The following DRAXIN variants were observed in gnomAD, a reference collection of about 807,000 sequenced individuals.
The protein encoded by DRAXIN is dorsal inhibitory axon guidance protein.
In DRAXIN, 27 loss-of-function variants were observed where a neutral mutation model predicts 33.9. That is an observed-to-expected ratio of 0.80 (90% CI 0.59 to 1.10). The LOEUF is 1.10. Ranked by LOEUF, DRAXIN falls within the 50% of genes least tolerant of loss-of-function variation. The pLI, the probability that DRAXIN is intolerant of heterozygous loss-of-function variation, is 0.00. For missense variants in DRAXIN, 371 were observed against 460.8 expected (o/e 0.81, Z 1.78); for synonymous variants, 178 against 194.0 (o/e 0.92, Z 0.69).
In DRAXIN at chr1:11,724,952, A is replaced by G. The variant is rs1419869896; in HGVS notation, c.*5256A>G. ...GCAGTTTGCAGAACCAGGGGTTTAT[A>G]TTGCAGGGAGTGTATTTTCTGAATT... On this transcript the variant is annotated 3_prime_UTR_variant, in exon 7 of 7. Transcript: ENST00000294485. 1.3e-5 allele frequency: 2 copies of G among 152,188 alleles called. No individual in the cohort carries two copies. Among genetic ancestry groups the G allele is most frequent in the Non-Finnish European group, 2.9e-5 (2 of 68,056 alleles). The allele number at this position is 152,188 out of a possible 1,614,324, so 9.4% of individuals were successfully genotyped here. A position where few individuals can be genotyped will look rare whatever the true frequency, so the allele number is the denominator to read the frequency against.
chr1:11,712,535 T>G, intron 5 of DRAXIN, 106 bp downstream of exon 5: 1 of 1,079,518 alleles, frequency 9.3e-7, no homozygotes, highest in Non-Finnish European at 1.4e-6. Context: ...CCTTGACCCT[T>G]CATGGATGAT....
chr1:11,711,194 A>AC (rs1000642176), intron 3 of DRAXIN, among the ~76,000 whole-genome samples: 12 of 152,280 alleles, frequency 7.9e-5, no homozygotes, highest in Non-Finnish European at 1.6e-4. Flanking sequence ...GGGGTCTTGC[A>AC]CCCCCTTGAG....
chr1:11,687,312 T>C (rs115011259), upstream of DRAXIN, among the ~76,000 whole-genome samples: 2,000 of 152,308 alleles, frequency 0.013, 44 homozygotes, highest in African/African-American at 0.044. The surrounding 1 kb of genome is among the most constrained non-coding windows in gnomAD (Gnocchi z 4.1). Flanking sequence ...CAATCTCGGC[T>C]CAATGAAATC....
intron 6 of DRAXIN, 85 bp from the exon 7 acceptor site, chr1:11,719,499 C>A: frequency 1.7e-6 from 2 of 1,202,506 alleles, no homozygotes; most frequent in Non-Finnish European, 2.4e-6. Flanking sequence ...CAGGAGGGAG[C>A]TGGCTGGCCC....
At chr1:11,708,043 C>T (rs999809440) in intron 2 of DRAXIN, among the ~76,000 whole-genome samples, 6 of 152,248 alleles carry the variant, frequency 3.9e-5, no homozygotes, top group African/African-American at 1.4e-4. Flanking sequence ...GCCTGAGAAC[C>T]CCCCAAGAGG....
In DRAXIN at chr1:11,721,761, G is replaced by C. The variant is rs1370894418; in HGVS notation, c.*2065G>C. On this transcript the variant is annotated 3_prime_UTR_variant, in exon 7 of 7. Transcript: ENST00000294485. Reference sequence around the variant, plus strand: ...GCACTTTGGGAGGCTGAGGTGGGCGGACCACCTCAGGTCAGGAGTTTGAGA... The same window carrying C: ...GCACTTTGGGAGGCTGAGGTGGGCGCACCACCTCAGGTCAGGAGTTTGAGA... 1 of 151,990 alleles carries C rather than the reference G, an allele frequency of 6.6e-6. No individual in the cohort carries two copies. The highest frequency in any genetic ancestry group is 1.5e-5 in the Non-Finnish European group (1 of 68,054). 9.4% of individuals were successfully genotyped at this position (151,990 alleles called of 1,614,324 possible).
intron 1 of DRAXIN, among the ~76,000 whole-genome samples, chr1:11,701,777 C>T (rs1641277560): frequency 1.3e-5 from 2 of 152,152 alleles, no homozygotes; most frequent in African/African-American, 2.4e-5. Flanking sequence ...TGCCTGGTTG[C>T]CTGGTGCTTT....
chr1:11,696,651 G>T lies in DRAXIN; in HGVS notation c.-11+4798G>T, dbSNP rs1028975440. ...GAGCAGGTCACGAGGTCAAGAGATC[G>T]AGAACATCCTAATCAACACGGTGAA... On this transcript the variant is annotated intron_variant, in intron 1 of 6. Coordinates refer to ENST00000294485, the MANE Select transcript of DRAXIN (RefSeq NM_198545.4). The surrounding 1 kb of genome is among the most constrained non-coding windows in gnomAD (Gnocchi z 4.7). Among the ~76,000 whole-genome samples the T allele has an allele frequency of 6.6e-6, 1 of 151,776 alleles. No homozygotes were observed. Among genetic ancestry groups the T allele is most frequent in the Non-Finnish European group, 1.5e-5 (1 of 67,938 alleles).
chr1:11,689,119 A>C (rs1641014428), upstream of DRAXIN, among the ~76,000 whole-genome samples: 1 of 152,088 alleles, frequency 6.6e-6, no homozygotes, highest in Admixed American at 6.6e-5. Context: ...AACATGGCGA[A>C]ACCCTGTCTC....
intron 5 of DRAXIN, among the ~76,000 whole-genome samples, chr1:11,714,356 C>T (rs758162885): frequency 2.6e-5 from 4 of 152,226 alleles, no homozygotes; most frequent in Admixed American, 6.5e-5. Context: ...GCCTGTTAGA[C>T]GAGGCCCGTG....
At position 11,720,613 on chromosome 1, in the gene DRAXIN, A is replaced by AAAAG. The variant is rs1553171600; in HGVS notation, c.*917_*918insAAAG. 5.1e-3 allele frequency: 696 copies of AAAAG among 137,012 alleles called. 26 individuals are homozygous for AAAAG. The highest frequency in any genetic ancestry group is 8.4e-3 in the South Asian group (37 of 4,396). The allele number at this position is 137,012 out of a possible 1,614,324, so 8.5% of individuals were successfully genotyped here. A position where few individuals can be genotyped will look rare whatever the true frequency, so the allele number is the denominator to read the frequency against. On this transcript the variant is annotated 3_prime_UTR_variant, in exon 7 of 7. Coordinates refer to ENST00000294485, the MANE Select transcript of DRAXIN (RefSeq NM_198545.4). ...CATCTCAAAAAAAAAAAAAAAAAAAAGCACATCTGACTCAGTGGGCTCTGT... is the reference window on the plus strand; with the variant it reads ...CATCTCAAAAAAAAAAAAAAAAAAAAAAAGGCACATCTGACTCAGTGGGCTCTGT...
At chr1:11,717,260 G>A (rs553725072) in intron 6 of DRAXIN, among the ~76,000 whole-genome samples, 31 of 152,222 alleles carry the variant, frequency 2.0e-4, no homozygotes, top group Non-Finnish European at 4.1e-4. Flanking sequence ...TCCAGCCTGG[G>A]TGACTGAGTG....
chr1:11,709,441 G>A lies in DRAXIN; in HGVS notation c.618G>A (p.Leu206=). The change falls in exon 3 of 7, where the codon CTG becomes CTA. Residue 206 remains leucine (L), a synonymous_variant. Transcript: ENST00000294485. ...AAPATEESLI[L]PVTSLRPQQA... is the part of the protein sequence containing the mutation. ...CTGCCACAGAAGAGTCCCTGATCCT[G>A]CCCGTCACCTCCCTGCGGCCCCAGG... The A allele has an allele frequency of 6.2e-7, 1 of 1,613,652 alleles. No individual in the cohort carries two copies. Among genetic ancestry groups the A allele is most frequent in the Non-Finnish European group, 8.5e-7 (1 of 1,179,850 alleles).
At chr1:11,688,610 G>A (rs781245153), upstream of DRAXIN, among the ~76,000 whole-genome samples, 32 of 151,938 alleles carry the variant, frequency 2.1e-4, no homozygotes, top group Non-Finnish European at 4.4e-4. This position sits in a 1 kb window ranked among gnomAD's most constrained non-coding sequence, Gnocchi z 4.6. Context: ...AACCTAAGTC[G>A]GATCATGTCT....
chr1:11,695,341 G>A (rs535118442), intron 1 of DRAXIN, among the ~76,000 whole-genome samples: 1 of 152,110 alleles, frequency 6.6e-6, no homozygotes, highest in Non-Finnish European at 1.5e-5. Flanking sequence ...CACTTTGGGA[G>A]GCCGAGGCAG....
At chr1:11,716,234 C>T (rs1020127839) in intron 6 of DRAXIN, among the ~76,000 whole-genome samples, 10 of 152,168 alleles carry the variant, frequency 6.6e-5, no homozygotes, top group African/African-American at 1.9e-4. Flanking sequence ...GTCTAATGAG[C>T]GCCCATTTCT....
upstream of DRAXIN, among the ~76,000 whole-genome samples, chr1:11,688,384 ACT>A (rs1233853315): frequency 2.0e-5 from 3 of 152,058 alleles, no homozygotes; most frequent in African/African-American, 7.2e-5. The surrounding 1 kb of genome is among the most constrained non-coding windows in gnomAD (Gnocchi z 4.6). Context: ...ACATGGGGAA[ACT>A]CTGTCTCTAC....
upstream of DRAXIN, among the ~76,000 whole-genome samples, chr1:11,688,881 C>T (rs115021206): frequency 6.6e-6 from 1 of 152,296 alleles, no homozygotes; most frequent in African/African-American, 2.4e-5. The surrounding 1 kb of genome is among the most constrained non-coding windows in gnomAD (Gnocchi z 4.6). Flanking sequence ...TCAAAACCCA[C>T]CAAAAGCAAG....
At chr1:11,701,357 C>T (rs148240118) in intron 1 of DRAXIN, among the ~76,000 whole-genome samples, 84 of 152,244 alleles carry the variant, frequency 5.5e-4, no homozygotes, top group African/African-American at 1.7e-3. Context: ...TTACAACCCC[C>T]TCGCCCCCAG....
Sources: gnomAD v4.1 joint callset for allele counts (sites outside exome capture counted in the v4.1 genomes callset) on GRCh38, gnomAD v4.1.1 for gene constraint, Gnocchi (gnomAD v3.1) non-coding constraint, MANE v1.5 for transcripts, NCBI Gene and HGNC (gene_info 2026-07-23, HGNC 2026-07-21) for gene names.